COG1: variants seen among roughly 807,000 people sequenced by gnomAD.
The protein encoded by COG1 is component of oligomeric golgi complex 1.
Under a neutral mutation model 102.2 loss-of-function variants are expected in COG1, and 61 were observed. That is an observed-to-expected ratio of 0.60 (90% CI 0.49 to 0.74). The LOEUF (loss-of-function observed/expected upper bound fraction) is 0.74, where lower values mean the gene tolerates loss of function less well. Among genes scored for constraint, COG1 ranks in the 30% least tolerant of loss-of-function variants. The pLI is 0.00. For missense variants in COG1, 1,164 were observed against 1,232.1 expected, an observed-to-expected ratio of 0.94 and a Z score of 0.83; for synonymous variants, 454 against 493.6, an observed-to-expected ratio of 0.92 and a Z score of 1.06.
intron 13 of COG1, chr17:73,207,934 T>TAAA: frequency 9.3e-7 from 1 of 1,071,892 alleles, no homozygotes; most frequent in South Asian, 1.9e-5. Flanking sequence ...GATGGTAGTT[T>TAAA]AAAAAAAAAA....
In COG1 at chr17:73,201,801, G is replaced by A. The variant is rs771223866; in HGVS notation, c.1974G>A (p.Gln658=). 2 of 1,614,194 alleles carry A rather than the reference G, an allele frequency of 1.2e-6. No individual in the cohort carries two copies. Among genetic ancestry groups the A allele is most frequent in the South Asian group, 2.2e-5 (2 of 91,084 alleles). Residue 658 remains glutamine (Q), a synonymous_variant, in exon 7 of 14, where the codon CAG becomes CAA. Transcript: ENST00000299886. ...ALRKQGKVKT[Q]EIIPTQAKWQ... ...GAAAACAGGGAAAGGTGAAAACTCA[G>A]GAAATCATTCCTACACAGGCCAAGT... is the stretch of plus-strand genomic sequence containing the variant.
rs1431920287 is a variant in COG1, at chr17:73,200,730, T to C, written c.1235T>C (p.Leu412Ser). ...CGGCGGCTTCTGGAGAAGCCGCTCT[T>C]GTTCTGGGAAGATATGATGCAGCAA... is the stretch of plus-strand genomic sequence containing the variant. ...LCRRLLEKPLLFWEDMMQQLF... is the reference protein window; with the variant it reads ...LCRRLLEKPLSFWEDMMQQLF... The change falls in exon 6 of 14, where the codon TTG becomes TCG. Residue 412 changes from leucine to serine, a missense_variant. Leu to Ser is a moderately radical substitution (Grantham distance 145). Coordinates refer to ENST00000299886, the MANE Select transcript of COG1 (RefSeq NM_018714.3). 6.2e-7 allele frequency: 1 copy of C among 1,614,126 alleles called. No homozygotes were observed. Among genetic ancestry groups the C allele is most frequent in the South Asian group, 1.1e-5 (1 of 91,078 alleles).
intron 13 of COG1, chr17:73,208,083 C>A: frequency 1.4e-6 from 2 of 1,424,208 alleles, no homozygotes; most frequent in Admixed American, 5.3e-5. Context: ...TGTGTCTACC[C>A]TTTTCCCAAG....
chr17:73,194,192 C>G (rs1459786649), intron 1 of COG1, among the ~76,000 whole-genome samples: 1 of 142,652 alleles, frequency 7.0e-6, no homozygotes, highest in Admixed American at 7.1e-5. Flanking sequence ...CCTGTAATCC[C>G]AGCACTTTGG....
chr17:73,206,288 G>C (rs1038728759), intron 11 of COG1, 26 bp downstream of exon 11: 1 of 1,569,464 alleles, frequency 6.4e-7, no homozygotes, highest in Non-Finnish European at 8.8e-7. Flanking sequence ...AACATGCTTA[G>C]TGCGAACGAA....
intron 11 of COG1, 114 bp from the exon 12 acceptor site, chr17:73,206,594 C>G: frequency 2.6e-6 from 2 of 775,500 alleles, no homozygotes; most frequent in Non-Finnish European, 4.5e-6. Context: ...TCAGAACATT[C>G]CCCAAAATGA....
intron 1 of COG1, among the ~76,000 whole-genome samples, chr17:73,196,267 G>C (rs2145092092): frequency 6.6e-6 from 1 of 152,256 alleles, no homozygotes; most frequent in Admixed American, 6.5e-5. Context: ...ACGAAAGTTT[G>C]CCTCTTCGTG....
At chr17:73,194,141 G>T (rs116828721) in intron 1 of COG1, among the ~76,000 whole-genome samples, 1 of 151,246 alleles carries the variant, frequency 6.6e-6, no homozygotes, top group African/African-American at 2.4e-5. Context: ...TGCAGCTTGC[G>T]TTCCTAAAGA....
intron 13 of COG1, 123 bp downstream of exon 13, chr17:73,207,379 T>G (rs2061382417): frequency 6.4e-6 from 6 of 936,132 alleles, no homozygotes; most frequent in Middle Eastern, 4.2e-4. Flanking sequence ...CTAATGCTGC[T>G]TTTAATGGCG....
chr17:73,204,406 G>C (rs1055404087), intron 9 of COG1, among the ~76,000 whole-genome samples: 5 of 151,582 alleles, frequency 3.3e-5, no homozygotes. Flanking sequence ...GGGTGACTGT[G>C]GGGAGTTAGA....
Position 73,200,012 on chromosome 17 carries a change from G to T in COG1, c.1061G>T (p.Trp354Leu), listed in dbSNP as rs1335883131. The T allele has an allele frequency of 1.9e-6, 3 of 1,611,994 alleles. No individual in the cohort carries two copies. The highest frequency in any genetic ancestry group is 2.5e-6 in the Non-Finnish European group (3 of 1,179,086). ...TACCTGAAAGACACGCTGCAGAAAT[G>T]GATCCACATGTAAGTAACCAGAAAG... ...QEYLKDTLQK[W>L]IHMCNEDIKN... is the part of the protein sequence containing the mutation. Residue 354 changes from tryptophan (W) to leucine (L), a missense_variant, in exon 5 of 14, where the codon TGG becomes TTG. Coordinates refer to ENST00000299886, the MANE Select transcript of COG1 (RefSeq NM_018714.3).
rs767741789 is a variant in COG1, at chr17:73,203,663, G to C, written c.2252G>C (p.Ser751Thr). 2.5e-6 allele frequency: 4 copies of C among 1,614,192 alleles called. No homozygotes were observed. The highest frequency in any genetic ancestry group is 3.4e-6 in the Non-Finnish European group (4 of 1,180,026). The change falls in exon 9 of 14, where the codon AGT becomes ACT. Residue 751 changes from serine to threonine, a missense_variant. Transcript: ENST00000299886. ...PSWYVQSFLFSLCQEINRVGG... is the reference protein window; with the variant it reads ...PSWYVQSFLFTLCQEINRVGG... Reference sequence around the variant, plus strand: ...TGGTATGTACAGTCCTTCCTGTTTAGTTTATGCCAGGAAATTAATCGGGTT... The same window carrying C: ...TGGTATGTACAGTCCTTCCTGTTTACTTTATGCCAGGAAATTAATCGGGTT...
chr17:73,203,683 C>A lies in COG1; in HGVS notation c.2272C>A (p.Arg758=). 1 of 1,614,178 alleles carries A rather than the reference C, an allele frequency of 6.2e-7. No homozygotes were observed. ...FLFSLCQEIN[R]VGGHALPKVT... Reference sequence around the variant, plus strand: ...GTTTAGTTTATGCCAGGAAATTAATCGGGTTGGAGGCCATGCCTTGCCAAA... The same window carrying A: ...GTTTAGTTTATGCCAGGAAATTAATAGGGTTGGAGGCCATGCCTTGCCAAA... The change falls in exon 9 of 14, where the codon CGG becomes AGG. Residue 758 remains arginine, a synonymous_variant. Coordinates refer to ENST00000299886, the MANE Select transcript of COG1 (RefSeq NM_018714.3).
At position 73,206,624 on chromosome 17, in the gene COG1, G is replaced by A. The variant is rs748419360; in HGVS notation, c.2620-84G>A. 80 of 869,690 alleles carry A rather than the reference G, an allele frequency of 9.2e-5. 1 individual carries two copies. Among genetic ancestry groups the A allele is most frequent in the Non-Finnish European group, 1.3e-4 (70 of 527,170 alleles). 53.9% of individuals were successfully genotyped at this position (869,690 alleles called of 1,614,324 possible). ...AAATGACAGTTAGAAATACGGTAGCGATGGGTGACTAACCTTTTTTTTTTT... is the reference window on the plus strand; with the variant it reads ...AAATGACAGTTAGAAATACGGTAGCAATGGGTGACTAACCTTTTTTTTTTT... On this transcript the variant is annotated intron_variant, in intron 11 of 13. Transcript: ENST00000299886.
chr17:73,200,732 T>C lies in COG1; in HGVS notation c.1237T>C (p.Phe413Leu), dbSNP rs1176022811. Residue 413 changes from phenylalanine to leucine, a missense_variant, in exon 6 of 14, where the codon TTC becomes CTC. Coordinates refer to ENST00000299886, the MANE Select transcript of COG1 (RefSeq NM_018714.3). ...CRRLLEKPLL[F>L]WEDMMQQLFL... ...GCGGCTTCTGGAGAAGCCGCTCTTG[T>C]TCTGGGAAGATATGATGCAGCAACT... 1 of 1,614,136 alleles carries C rather than the reference T, an allele frequency of 6.2e-7. No individual in the cohort carries two copies. The highest frequency in any genetic ancestry group is 1.7e-5 in the Admixed American group (1 of 60,028).
intron 4 of COG1, among the ~76,000 whole-genome samples, chr17:73,197,973 G>A (rs1399964391): frequency 2.6e-5 from 4 of 152,220 alleles, no homozygotes; most frequent in East Asian, 1.9e-4. Flanking sequence ...GGCTTGGTGC[G>A]GACCCTCTGT....
rs965867949 is a variant in COG1 at position 73,205,539 on chromosome 17, G to A, written c.2383-14G>A. ...CTCTCTCTTCATGGGTGGGGACTGG[G>A]AATTCATTTGCAGAAAGAAGGTGCA... On this transcript the variant is annotated splice_polypyrimidine_tract_variant and intron_variant, in intron 9 of 13. Transcript: ENST00000299886. 2.5e-6 allele frequency: 4 copies of A among 1,614,038 alleles called. No homozygotes were observed. The South Asian group carries it at 3.3e-5, about 13-fold the overall frequency.
rs2061308748 is a variant in COG1 at position 73,193,114 on chromosome 17, G to A, written c.45G>A (p.Leu15=). Residue 15 remains leucine (L), a synonymous_variant, in exon 1 of 14, where the codon CTG becomes CTA. Transcript: ENST00000299886. ...CACCCGCGCTGAAGCGGCTGGATCT[G>A]CGCGACCCTGCGGCTCTTTTCGAGA... ...ATSPALKRLD[L]RDPAALFETH... 2 of 1,611,592 alleles carry A rather than the reference G, an allele frequency of 1.2e-6. No individual in the cohort carries two copies. Among genetic ancestry groups the A allele is most frequent in the East Asian group, 4.5e-5 (2 of 44,752 alleles).
In COG1 at chr17:73,193,363, C is replaced by A; in HGVS notation, c.294C>A (p.Pro98=). The A allele has an allele frequency of 6.7e-7, 1 of 1,493,172 alleles. No individual in the cohort carries two copies. The highest frequency in any genetic ancestry group is 1.3e-5 in the South Asian group (1 of 76,114). 92.5% of individuals were successfully genotyped at this position (1,493,172 alleles called of 1,614,324 possible). The change falls in exon 1 of 14, where the codon CCC becomes CCA. Residue 98 remains proline (P), a synonymous_variant. Coordinates refer to ENST00000299886, the MANE Select transcript of COG1 (RefSeq NM_018714.3). Reference sequence around the variant, plus strand: ...TCCGCCAGGCCGGCTCGGCCGCGCCCCGGCCACCGCGGGCCCAGCAGGTCA... The same window carrying A: ...TCCGCCAGGCCGGCTCGGCCGCGCCACGGCCACCGCGGGCCCAGCAGGTCA... ...ARLRQAGSAA[P]RPPRAQQPQQ...
Sources: allele counts gnomAD v4.1 joint callset (sites outside exome capture counted in the v4.1 genomes callset), GRCh38; gene constraint gnomAD v4.1.1; transcripts MANE v1.5; gene names NCBI Gene and HGNC (gene_info 2026-07-23, HGNC 2026-07-21).